CADM2: variants seen among roughly 807,000 people sequenced by gnomAD.
The protein encoded by CADM2 is immunoglobulin superfamily member 4D.
A neutral mutation model predicts 49.8 loss-of-function variants in CADM2; 12 were observed. That is an observed-to-expected ratio of 0.24 (90% CI 0.15 to 0.39). The LOEUF (loss-of-function observed/expected upper bound fraction) is 0.39. CADM2 is among the 10% of genes least tolerant of loss of function. CADM2 has a pLI of 1.00. For synonymous variants in CADM2, 214 were observed against 175.4 expected, an observed-to-expected ratio of 1.22 and a Z score of -1.74; for missense variants, 378 against 492.3, an observed-to-expected ratio of 0.77 and a Z score of 2.20.
At chr3:85,306,381 C>A (rs1272665875) in intron 1 of CADM2, among the ~76,000 whole-genome samples, 5 of 151,630 alleles carry the variant, frequency 3.3e-5, no homozygotes, top group Admixed American at 2.6e-4. Context: ...CTTCATCAAT[C>A]TAATGAAGGA....
chr3:85,801,731 C>T (rs190880180), intron 2 of CADM2, among the ~76,000 whole-genome samples: 8 of 152,104 alleles, frequency 5.3e-5, no homozygotes, highest in Non-Finnish European at 7.4e-5. Flanking sequence ...AGTTTAGTAC[C>T]GTATTAACTA....
intron 1 of CADM2, among the ~76,000 whole-genome samples, chr3:85,179,972 C>A (rs1012329323): frequency 2.0e-5 from 3 of 151,910 alleles, no homozygotes; most frequent in Admixed American, 2.0e-4. Context: ...CATAAAAATG[C>A]TACAGGCACT....
chr3:85,996,290 C>CTTTTTTTTTT (rs397990432), intron 8 of CADM2, among the ~76,000 whole-genome samples: 1 of 89,310 alleles, frequency 1.1e-5, no homozygotes, highest in African/African-American at 4.3e-5. Context: ...TTTTCATTTA[C>CTTTTTTTTTT]TTTTTTTTTT....
intron 1 of CADM2, among the ~76,000 whole-genome samples, chr3:85,681,829 A>G (rs1420565513): frequency 4.6e-5 from 7 of 152,136 alleles, no homozygotes; most frequent in Non-Finnish European, 1.0e-4. Flanking sequence ...TTAACTGTTA[A>G]GTGAATAATT....
At chr3:84,976,113 G>T (rs1317227761) in intron 1 of CADM2, among the ~76,000 whole-genome samples, 1 of 151,698 alleles carries the variant, frequency 6.6e-6, no homozygotes, top group African/African-American at 2.4e-5. Flanking sequence ...AGTATGTCTT[G>T]GGGAGTAATT....
chr3:85,866,861 CA>C (rs2075742155), intron 3 of CADM2, among the ~76,000 whole-genome samples: 1 of 152,070 alleles, frequency 6.6e-6, no homozygotes, highest in Non-Finnish European at 1.5e-5. Flanking sequence ...ACATATAACA[CA>C]TACACACATG....
At chr3:86,012,927 A>G (rs1407835055) in intron 8 of CADM2, 1 of 633,912 alleles carries the variant, frequency 1.6e-6, no homozygotes, top group Non-Finnish European at 2.9e-6. Context: ...GTGAGCCGAG[A>G]TCGCGCCACT....
intron 1 of CADM2, among the ~76,000 whole-genome samples, chr3:85,027,431 C>A (rs1018874546): frequency 6.6e-6 from 1 of 151,582 alleles, no homozygotes; most frequent in South Asian, 2.1e-4. Context: ...TTTTAAAATT[C>A]GTTTTATGTA....
intron 1 of CADM2, among the ~76,000 whole-genome samples, chr3:85,046,858 G>A (rs1037145684): frequency 1.8e-4 from 28 of 151,850 alleles, no homozygotes; most frequent in African/African-American, 6.5e-4. Context: ...AGCATAAATA[G>A]TGATTAGAAT....
intron 8 of CADM2, 117 bp downstream of exon 8, chr3:85,961,764 G>T: frequency 2.0e-6 from 1 of 494,376 alleles, no homozygotes; most frequent in Non-Finnish European, 3.4e-6. Flanking sequence ...TTTACTTCAG[G>T]ACATCTTATG....
At chr3:85,229,429 G>A (rs1012847437) in intron 1 of CADM2, among the ~76,000 whole-genome samples, 4 of 152,224 alleles carry the variant, frequency 2.6e-5, no homozygotes, top group East Asian at 1.9e-4. Context: ...GTGACAGCCC[G>A]CCCTGCTTCA....
At chr3:85,396,220 G>A (rs1486114088) in intron 1 of CADM2, among the ~76,000 whole-genome samples, 2 of 151,576 alleles carry the variant, frequency 1.3e-5, no homozygotes, top group Non-Finnish European at 2.9e-5. Context: ...GATTAGTGAA[G>A]CTGTAAAGTT....
In CADM2 at chr3:86,061,989, G is replaced by GA. The variant is rs368647038; in HGVS notation, c.971-3616_971-3615insA. Among the ~76,000 whole-genome samples the GA allele has an allele frequency of 5.8e-3, 840 of 145,744 alleles. 10 individuals carry two copies. The highest frequency in any genetic ancestry group is 0.052 in the East Asian group (255 of 4,858). ...ATCCCTCAGGTGCTGTTGATGGTGG[G>GA]GGGGGGGTTGAATTTGTACAATTTT... On this transcript the variant is annotated intron_variant, in intron 8 of 9. Coordinates refer to ENST00000383699, the MANE Select transcript of CADM2 (RefSeq NM_001167675.2).
At chr3:85,974,499 A>G (rs79052560) in intron 8 of CADM2, among the ~76,000 whole-genome samples, 6,185 of 151,722 alleles carry the variant, frequency 0.041, 417 homozygotes, top group African/African-American at 0.14. Context: ...AGTTATGGCT[A>G]CCTCAACACA....
intron 5 of CADM2, among the ~76,000 whole-genome samples, chr3:85,890,125 T>TCGAA (rs1714223300): frequency 6.6e-6 from 1 of 151,862 alleles, no homozygotes; most frequent in Non-Finnish European, 1.5e-5. Flanking sequence ...GGTCTGTGCC[T>TCGAA]TTTCCAAAAA....
chr3:85,720,885 G>A (rs1173490165), intron 1 of CADM2, among the ~76,000 whole-genome samples: 1 of 152,192 alleles, frequency 6.6e-6, no homozygotes, highest in East Asian at 1.9e-4. Flanking sequence ...TAAATTAGAT[G>A]TAGTAGAATT....
intron 1 of CADM2, among the ~76,000 whole-genome samples, chr3:85,055,334 T>G (rs1460386289): frequency 6.6e-6 from 1 of 151,998 alleles, no homozygotes; most frequent in Non-Finnish European, 1.5e-5. Flanking sequence ...TATTCCAGTG[T>G]AGTCCGTGGA....
intron 3 of CADM2, among the ~76,000 whole-genome samples, chr3:85,810,907 A>C (rs1414999171): frequency 6.6e-6 from 1 of 152,166 alleles, no homozygotes; most frequent in African/African-American, 2.4e-5. Context: ...CAATTCTTTA[A>C]ACATAAAGAA....
intron 1 of CADM2, among the ~76,000 whole-genome samples, chr3:85,437,870 G>A (rs140820188): frequency 7.8e-4 from 119 of 151,632 alleles, no homozygotes; most frequent in Middle Eastern, 3.5e-3. Flanking sequence ...TCACATATTG[G>A]CTTTTAAATT....
Sources: gnomAD v4.1 joint callset for allele counts (sites outside exome capture counted in the v4.1 genomes callset) on GRCh38, gnomAD v4.1.1 for gene constraint, MANE v1.5 for transcripts, NCBI Gene and HGNC (gene_info 2026-07-23, HGNC 2026-07-21) for gene names.